CSMD1: variants seen among roughly 807,000 people sequenced by gnomAD.
The protein encoded by CSMD1 is CUB and sushi domain-containing protein 1.
Under a neutral mutation model 417.5 loss-of-function variants are expected in CSMD1, and 213 were observed. That is an observed-to-expected ratio of 0.51 (90% CI 0.46 to 0.57). The LOEUF (loss-of-function observed/expected upper bound fraction) is 0.57. Ranked by LOEUF, CSMD1 falls within the 20% of genes least tolerant of loss-of-function variation. The pLI, the probability that CSMD1 is intolerant of heterozygous loss-of-function variation, is 0.00. For synonymous variants in CSMD1, 2,862 were observed against 1,736.8 expected (o/e 1.65, Z -16.11); for missense variants, 6,923 against 4,529.7 (o/e 1.53, Z -15.17).
At chr8:4,613,464 G>C (rs1585331530) in intron 2 of CSMD1, among the ~76,000 whole-genome samples, 1 of 152,138 alleles carries the variant, frequency 6.6e-6, no homozygotes, top group South Asian at 2.1e-4. Flanking sequence ...TGCTGCACCT[G>C]TTCACCATGG....
In CSMD1 at chr8:3,343,374, T is replaced by C. The variant is rs1376887885; in HGVS notation, c.3551A>G (p.Asn1184Ser). 1.9e-6 allele frequency: 3 copies of C among 1,613,798 alleles called. No homozygotes were observed. Among genetic ancestry groups the C allele is most frequent in the Non-Finnish European group, 2.5e-6 (3 of 1,179,740 alleles). ...TAGCCACAGGTGATTGGATGTGCTG[T>C]TTAGGATCAGCCCCAGAAGTTCATT... Reference protein sequence around the residue: ...TKNELLGLILNSTSNHLWLEF... With the variant: ...TKNELLGLILSSTSNHLWLEF... Residue 1184 changes from asparagine to serine, a missense_variant, in exon 23 of 70, where the codon AAC becomes AGC. By Grantham distance (46) the Asn-to-Ser change is conservative. Coordinates refer to ENST00000635120, the MANE Select transcript of CSMD1 (RefSeq NM_033225.6).
At chr8:4,014,242 G>A (rs1015292468) in intron 4 of CSMD1, among the ~76,000 whole-genome samples, 2 of 152,154 alleles carry the variant, frequency 1.3e-5, no homozygotes, top group Admixed American at 6.5e-5. Context: ...AAATCTAACA[G>A]AAGCAACAAA....
At chr8:3,270,896 G>C (rs1801795108) in intron 26 of CSMD1, among the ~76,000 whole-genome samples, 1 of 140,282 alleles carries the variant, frequency 7.1e-6, no homozygotes, top group South Asian at 2.4e-4. Flanking sequence ...GCAGGAGCAA[G>C]TCACATCTTT....
chr8:4,411,612 C>CA (rs1479929584), intron 3 of CSMD1, among the ~76,000 whole-genome samples: 2 of 152,116 alleles, frequency 1.3e-5, no homozygotes, highest in African/African-American at 2.4e-5. Context: ...AAAAATACAG[C>CA]AATCCTTCCA....
At chr8:3,720,604 T>C (rs890376103) in intron 6 of CSMD1, among the ~76,000 whole-genome samples, 7 of 124,704 alleles carry the variant, frequency 5.6e-5, no homozygotes, top group Admixed American at 3.4e-4. Flanking sequence ...GCATTGGTGG[T>C]CAAAGTCTTT....
chr8:3,050,188 C>A (rs940721983), intron 50 of CSMD1, among the ~76,000 whole-genome samples: 1 of 150,942 alleles, frequency 6.6e-6, no homozygotes, highest in Admixed American at 6.6e-5. Flanking sequence ...TGGACATTAA[C>A]ATTTACTTTA....
chr8:4,336,320 A>G (rs2128893163), intron 3 of CSMD1, among the ~76,000 whole-genome samples: 1 of 152,278 alleles, frequency 6.6e-6, no homozygotes, highest in South Asian at 2.1e-4. Flanking sequence ...CTCTGTAGAA[A>G]GGCACATTTT....
At chr8:3,556,848 C>G (rs1014398873) in intron 10 of CSMD1, among the ~76,000 whole-genome samples, 5 of 151,562 alleles carry the variant, frequency 3.3e-5, no homozygotes, top group Non-Finnish European at 7.3e-5. Flanking sequence ...AGGGCTTACC[C>G]CCTCTGGACA....
At chr8:4,607,413 A>G (rs34237995) in intron 2 of CSMD1, among the ~76,000 whole-genome samples, 3,582 of 152,296 alleles carry the variant, frequency 0.024, 63 homozygotes, top group Middle Eastern at 0.044. Context: ...GCAGGCAACA[A>G]CTTCACGTGA....
chr8:4,283,196 T>C (rs994369854), intron 3 of CSMD1, among the ~76,000 whole-genome samples: 7 of 152,334 alleles, frequency 4.6e-5, no homozygotes, highest in South Asian at 2.1e-4. Flanking sequence ...TTAAAAATTA[T>C]ATATGAATAT....
chr8:4,512,680 C>G (rs1444102342), intron 2 of CSMD1, among the ~76,000 whole-genome samples: 2 of 151,590 alleles, frequency 1.3e-5, no homozygotes, highest in East Asian at 3.9e-4. Flanking sequence ...ATAATAATAC[C>G]ATTTACATTA....
At chr8:3,155,358 G>GTTTTTTTTTTTTTTTTT (rs763097673) in intron 39 of CSMD1, among the ~76,000 whole-genome samples, 46 of 48,082 alleles carry the variant, frequency 9.6e-4, no homozygotes, top group East Asian at 4.9e-3. Context: ...TCAAGGCTGG[G>GTTTTTTTTTTTTTTTTT]ATTTTTTTTT....
At chr8:3,334,364 G>A (rs72507676) in intron 23 of CSMD1, among the ~76,000 whole-genome samples, 6,217 of 152,232 alleles carry the variant, frequency 0.041, 370 homozygotes, top group East Asian at 0.25. Flanking sequence ...GCACCAAAAT[G>A]ACAATGCTTA....
In CSMD1 at chr8:4,840,351, T is replaced by C. The variant is rs964309094; in HGVS notation, c.85+153981A>G. 1.4e-4 allele frequency among the ~76,000 whole-genome samples: 21 copies of C among 152,356 alleles called. 1 individual carries two copies. The highest frequency in any genetic ancestry group is 3.9e-4 in the East Asian group (2 of 5,188). ...TTAACTGTTATCTGTAATGCAATGA[T>C]GATAACTGTATGAAACTAGCCGATT... On this transcript the variant is annotated intron_variant, in intron 1 of 69. Transcript: ENST00000635120.
chr8:4,024,496 C>T (rs1398545597), intron 4 of CSMD1, among the ~76,000 whole-genome samples: 1 of 152,164 alleles, frequency 6.6e-6, no homozygotes, highest in Non-Finnish European at 1.5e-5. Flanking sequence ...CAAACTATAG[C>T]TGACTTGTTA....
chr8:4,412,313 C>CA, intron 3 of CSMD1, among the ~76,000 whole-genome samples: 1 of 152,158 alleles, frequency 6.6e-6, no homozygotes, highest in South Asian at 2.1e-4. Context: ...CTCCTGGACA[C>CA]AGCGCAAAAG....
chr8:3,647,725 A>T (rs954470576), intron 7 of CSMD1, among the ~76,000 whole-genome samples: 2 of 152,238 alleles, frequency 1.3e-5, no homozygotes, highest in Admixed American at 1.3e-4. Context: ...AACAAACGTT[A>T]AAGTATTGAT....
At chr8:4,694,238 T>G (rs146356062) in intron 1 of CSMD1, among the ~76,000 whole-genome samples, 10 of 152,172 alleles carry the variant, frequency 6.6e-5, no homozygotes, top group African/African-American at 2.4e-4. Context: ...AATCAGAAAC[T>G]CAAAAGAATG....
chr8:3,976,873 C>T (rs532441238), intron 5 of CSMD1, among the ~76,000 whole-genome samples: 1 of 152,170 alleles, frequency 6.6e-6, no homozygotes, highest in Admixed American at 6.6e-5. Flanking sequence ...AGCACTAGCA[C>T]TGAGATGTGT....
Sources: allele counts gnomAD v4.1 joint callset (sites outside exome capture counted in the v4.1 genomes callset), GRCh38; gene constraint gnomAD v4.1.1; transcripts MANE v1.5; gene names NCBI Gene and HGNC (gene_info 2026-07-23, HGNC 2026-07-21).